The following R3HDM4 variants were observed in gnomAD, a reference collection of about 807,000 sequenced individuals.
R3HDM4 encodes R3H domain-containing protein 4.
A neutral mutation model predicts 31.3 loss-of-function variants in R3HDM4; 30 were observed. The ratio of observed to expected loss-of-function variants is 0.96; its 90% CI spans 0.72 to 1.30. R3HDM4 has a LOEUF of 1.30. Among genes scored for constraint, R3HDM4 ranks in the 50% most tolerant of loss-of-function variants. R3HDM4 has a pLI of 0.00. For missense variants in R3HDM4, 444 were observed against 366.1 expected, an observed-to-expected ratio of 1.21 and a Z score of -1.74; for synonymous variants, 196 against 156.6, an observed-to-expected ratio of 1.25 and a Z score of -1.88.
intron 3 of R3HDM4, 82 bp from the exon 4 acceptor site, chr19:901,034 C>A: frequency 6.8e-7 from 1 of 1,468,264 alleles, no homozygotes; most frequent in Admixed American, 2.3e-5. Context: ...CACGGTAAGG[C>A]CGCCAAGCAC....
rs1280191641 is a variant in R3HDM4 at position 907,972 on chromosome 19, A to G, written c.71+5115T>C. On this transcript the variant is annotated intron_variant, in intron 1 of 7. Transcript: ENST00000361574. This position sits in a 1 kb window ranked among gnomAD's most constrained non-coding sequence, Gnocchi z 4.1. ...CACTTTGGGAGGCCGAGGCGGGCGG[A>G]TCATGAGGTCAAGAGATGGAGACCA... is the stretch of plus-strand genomic sequence containing the variant. 6.6e-6 allele frequency among the ~76,000 whole-genome samples: 1 copy of G among 152,082 alleles called. No individual in the cohort carries two copies. Among genetic ancestry groups the G allele is most frequent in the Non-Finnish European group, 1.5e-5 (1 of 68,018 alleles).
In R3HDM4 at chr19:899,668, C is replaced by T; in HGVS notation, c.580G>A (p.Glu194Lys). ...GAGAAGAACCGAAGCAGCCGCTCCTCCCAGGTCTCCAGCGTTTCCTGGGGA... is the reference window on the plus strand; with the variant it reads ...GAGAAGAACCGAAGCAGCCGCTCCTTCCAGGTCTCCAGCGTTTCCTGGGGA... ...RIPMETLETW[E>K]ERLLRFFSVS... The change falls in exon 6 of 8, where the codon GAG becomes AAG. Residue 194 changes from glutamate (E) to lysine (K), a missense_variant. Physicochemically the swap from Glu to Lys is moderately conservative, Grantham distance 56. Coordinates refer to ENST00000361574, the MANE Select transcript of R3HDM4 (RefSeq NM_138774.4). The surrounding 1 kb of genome is among the most constrained non-coding windows in gnomAD (Gnocchi z 6.8). 6.3e-7 allele frequency: 1 copy of T among 1,597,626 alleles called. No individual in the cohort carries two copies. Among genetic ancestry groups the T allele is most frequent in the Non-Finnish European group, 8.5e-7 (1 of 1,171,396 alleles).
At position 897,443 on chromosome 19, in the gene R3HDM4, G is replaced by A. The variant is rs1481609439; in HGVS notation, c.801C>T (p.His267=). ...GGTCTCCGCGGGGCCGCCATCAGCT[G>A]TGCTGCTCCAGGTAGGCGGACAGGA... is the stretch of plus-strand genomic sequence containing the variant. ...GLLLSAYLEQ[H]S is the part of the protein sequence containing the mutation. Residue 267 remains histidine (H), a synonymous_variant, in exon 8 of 8, where the codon CAC becomes CAT. Coordinates refer to ENST00000361574, the MANE Select transcript of R3HDM4 (RefSeq NM_138774.4). The A allele has an allele frequency of 1.9e-6, 3 of 1,608,166 alleles. No individual in the cohort carries two copies. Among genetic ancestry groups the A allele is most frequent in the Admixed American group, 3.4e-5 (2 of 59,438 alleles).
intron 1 of R3HDM4, among the ~76,000 whole-genome samples, chr19:912,773 C>T (rs1167557187): frequency 1.1e-4 from 8 of 74,004 alleles, no homozygotes; most frequent in African/African-American, 1.7e-4. Flanking sequence ...GGGGGCGGAC[C>T]GGGGAGTAGG....
At chr19:900,360 C>T (rs1271444634) in intron 4 of R3HDM4, among the ~76,000 whole-genome samples, 1 of 151,980 alleles carries the variant, frequency 6.6e-6, no homozygotes, top group Non-Finnish European at 1.5e-5. Context: ...TGACCCTACC[C>T]TCACCTGTAT....
In R3HDM4 at chr19:901,484, A is replaced by C; in HGVS notation, c.289T>G (p.Leu97Val). The change falls in exon 3 of 8, where the codon TTG becomes GTG. Residue 97 changes from leucine to valine, a missense_variant. Coordinates refer to ENST00000361574, the MANE Select transcript of R3HDM4 (RefSeq NM_138774.4). ...GGLPGLEDGD[L>V]APPASPGIFA... ...ATGCCTGGTGATGCAGGGGGTGCCA[A>C]GTCCCCATCCTCCAGGCCAGGCAGG... The C allele has an allele frequency of 6.2e-7, 1 of 1,609,552 alleles. No individual in the cohort carries two copies. The highest frequency in any genetic ancestry group is 2.2e-5 in the East Asian group (1 of 44,828).
chr19:901,896 G>A, intron 2 of R3HDM4, 80 bp downstream of exon 2: 1 of 1,541,824 alleles, frequency 6.5e-7, no homozygotes, highest in Non-Finnish European at 8.9e-7. Context: ...CTCATGGGAG[G>A]GGTAACAGAT....
intron 1 of R3HDM4, among the ~76,000 whole-genome samples, chr19:904,006 G>C (rs184503707): frequency 6.6e-6 from 1 of 151,868 alleles, no homozygotes; most frequent in Admixed American, 6.6e-5. Flanking sequence ...AGCCGAGATC[G>C]TGCCACTGCG....
At chr19:909,486 T>G (rs1273779260) in intron 1 of R3HDM4, among the ~76,000 whole-genome samples, 1 of 151,494 alleles carries the variant, frequency 6.6e-6, no homozygotes, top group Admixed American at 6.6e-5. Context: ...TACATAGGAG[T>G]CACTACACCT....
intron 2 of R3HDM4, 45 bp downstream of exon 2, chr19:901,931 C>T (rs989027120): frequency 3.1e-6 from 5 of 1,608,012 alleles, no homozygotes; most frequent in Non-Finnish European, 4.2e-6. Context: ...TGCCATTCTA[C>T]AAGGCCCAGG....
At chr19:898,405 A>C (rs1480490985) in intron 7 of R3HDM4, among the ~76,000 whole-genome samples, 2 of 9,614 alleles carry the variant, frequency 2.1e-4, no homozygotes, top group African/African-American at 1.3e-3. Context: ...ACTTGGTCTC[A>C]AAAAAAAAAA....
intron 3 of R3HDM4, 86 bp downstream of exon 3, chr19:901,336 C>G: frequency 7.0e-7 from 1 of 1,431,906 alleles, no homozygotes; most frequent in Non-Finnish European, 9.4e-7. Context: ...GTGCTTCTGG[C>G]GGGGGACGGG....
chr19:911,815 C>T (rs974642793), intron 1 of R3HDM4, among the ~76,000 whole-genome samples: 1 of 152,042 alleles, frequency 6.6e-6, no homozygotes, highest in Non-Finnish European at 1.5e-5. Context: ...GAAGGACGCG[C>T]GGGCTCCTGC....
chr19:901,379 C>G (rs368275354), intron 3 of R3HDM4, 43 bp downstream of exon 3: 3 of 1,579,858 alleles, frequency 1.9e-6, no homozygotes, highest in Non-Finnish European at 2.6e-6. Flanking sequence ...GGAGAACTGC[C>G]GGGGTCCCCG....
intron 1 of R3HDM4, among the ~76,000 whole-genome samples, chr19:903,505 G>A (rs1424086559): frequency 3.3e-5 from 5 of 152,024 alleles, no homozygotes; most frequent in African/African-American, 9.6e-5. Context: ...AGCGGGCGGC[G>A]TTTGGGGGGA....
intron 1 of R3HDM4, among the ~76,000 whole-genome samples, chr19:903,234 C>A (rs1259308302): frequency 6.7e-6 from 1 of 150,114 alleles, no homozygotes; most frequent in African/African-American, 2.5e-5. Flanking sequence ...CTCAGCCCCC[C>A]CCGCAAACCC....
rs556950486 is a variant in R3HDM4 at position 899,581 on chromosome 19, G to A, written c.647+20C>T. 59 of 1,611,922 alleles carry A rather than the reference G, an allele frequency of 3.7e-5. 1 individual carries two copies. In the South Asian group the frequency reaches 5.6e-4, roughly 15 times the overall value. ...GGCCGCAGCCTCGGAGGGTCCGCTC[G>A]CCTGGCCGCCCCCCCTTACCTGTTG... On this transcript the variant is annotated intron_variant, in intron 6 of 7. Transcript: ENST00000361574. The surrounding 1 kb of genome is among the most constrained non-coding windows in gnomAD (Gnocchi z 6.8).
chr19:909,401 C>A (rs984985484), intron 1 of R3HDM4, among the ~76,000 whole-genome samples: 14 of 152,092 alleles, frequency 9.2e-5, no homozygotes, highest in African/African-American at 2.2e-4. Flanking sequence ...CCCAACCCCC[C>A]ACCAGGACAC....
At position 899,107 on chromosome 19, in the gene R3HDM4, G is replaced by A. The variant is rs1053590143; in HGVS notation, c.703+333C>T. Among the ~76,000 whole-genome samples, 15 of 152,070 alleles carry A rather than the reference G, an allele frequency of 9.9e-5. No homozygotes were observed. The highest frequency in any genetic ancestry group is 1.9e-4 in the Non-Finnish European group (13 of 67,982). On this transcript the variant is annotated intron_variant, in intron 7 of 7. Transcript: ENST00000361574. The surrounding 1 kb of genome is among the most constrained non-coding windows in gnomAD (Gnocchi z 6.8). ...TAAATGCAAACCTTCCAGACACTGC[G>A]TCCCCCCATCTTATCTCTGGCTCTG...
Sources: allele counts gnomAD v4.1 joint callset (sites outside exome capture counted in the v4.1 genomes callset), GRCh38; gene constraint gnomAD v4.1.1; non-coding constraint Gnocchi (gnomAD v3.1); transcripts MANE v1.5; gene names NCBI Gene and HGNC (gene_info 2026-07-23, HGNC 2026-07-21).